The following CIT variants were observed in gnomAD, a reference collection of about 807,000 sequenced individuals.
CIT encodes the protein citron rho-interacting serine/threonine kinase.
Under a neutral mutation model 272.7 loss-of-function variants are expected in CIT, and 79 were observed. The observed-to-expected ratio is 0.29, with a 90% CI of 0.24 to 0.35. CIT has a LOEUF of 0.35. Among genes scored for constraint, CIT ranks in the 10% least tolerant of loss-of-function variants. The pLI, the probability that CIT is intolerant of heterozygous loss-of-function variation, is 1.00. For synonymous variants in CIT, 948 were observed against 995.6 expected (o/e 0.95, Z 0.90); for missense variants, 1,909 against 2,618.3 (o/e 0.73, Z 5.91).
chr12:119,845,862 A>ACCCGGGAG (rs1301278179), intron 5 of CIT, among the ~76,000 whole-genome samples: 1 of 149,930 alleles, frequency 6.7e-6, no homozygotes, highest in Non-Finnish European at 1.5e-5. Flanking sequence ...AGGCAGGAGA[A>ACCCGGGAG]CCCGGGAGGC....
At chr12:119,844,684 GA>G (rs1330519632) in intron 5 of CIT, among the ~76,000 whole-genome samples, 1 of 152,166 alleles carries the variant, frequency 6.6e-6, no homozygotes, top group Admixed American at 6.6e-5. Flanking sequence ...TACTTGAGAA[GA>G]AAATGGAGAC....
At position 119,686,673 on chromosome 12, in the gene CIT, G is replaced by A. The variant is rs1955594973; in HGVS notation, c.*1559C>T. 1 of 152,364 alleles carries A rather than the reference G, an allele frequency of 6.6e-6. No homozygotes were observed. The allele number at this position is 152,364 out of a possible 1,614,324, so 9.4% of individuals were successfully genotyped here. ...CTGGGTTGTTGAGGCGGGCCTAAGA[G>A]TCGTGGAGGACCCAAAGCAACAGAT... On this transcript the variant is annotated 3_prime_UTR_variant, in exon 48 of 48. Coordinates refer to ENST00000392521, the MANE Select transcript of CIT (RefSeq NM_001206999.2).
intron 30 of CIT, 145 bp from the exon 31 acceptor site, chr12:119,719,006 G>A (rs73215362): frequency 2.2e-5 from 17 of 789,064 alleles, no homozygotes; most frequent in East Asian, 1.6e-4. Context: ...GCATGTGAAG[G>A]GGGGGAAGGG....
chr12:119,866,639 CA>C (rs1265657296), intron 3 of CIT, among the ~76,000 whole-genome samples: 1 of 152,010 alleles, frequency 6.6e-6, no homozygotes, highest in Non-Finnish European at 1.5e-5. Flanking sequence ...GGCAATCTCA[CA>C]AGGTCCCATC....
intron 28 of CIT, among the ~76,000 whole-genome samples, chr12:119,725,607 C>T (rs1274638819): frequency 2.6e-5 from 4 of 152,154 alleles, no homozygotes; most frequent in South Asian, 4.1e-4. Context: ...AATCTGCCTC[C>T]GGCTCAATGT....
At chr12:119,871,908 C>T (rs531280464) in intron 2 of CIT, among the ~76,000 whole-genome samples, 2 of 152,280 alleles carry the variant, frequency 1.3e-5, no homozygotes, top group East Asian at 1.9e-4. Context: ...TTCAAGGCCA[C>T]CATATCTGTC....
intron 3 of CIT, among the ~76,000 whole-genome samples, chr12:119,865,484 T>C (rs1950488217): frequency 6.6e-6 from 1 of 152,256 alleles, no homozygotes; most frequent in African/African-American, 2.4e-5. Flanking sequence ...TTATTAATAC[T>C]GGGTACCATT....
chr12:119,727,321 G>C (rs1304359420), intron 28 of CIT, among the ~76,000 whole-genome samples: 1 of 152,148 alleles, frequency 6.6e-6, no homozygotes, highest in African/African-American at 2.4e-5. Flanking sequence ...ATTTGGATCT[G>C]ACAAATTGTC....
At chr12:119,863,201 C>CCA (rs1301019400) in intron 3 of CIT, among the ~76,000 whole-genome samples, 1 of 40,518 alleles carries the variant, frequency 2.5e-5, no homozygotes, top group African/African-American at 8.7e-5. Context: ...GACTCTGTAT[C>CCA]AAAAAAAAAA....
intron 7 of CIT, among the ~76,000 whole-genome samples, chr12:119,828,674 TGCC>T (rs1381062135): frequency 1.3e-5 from 2 of 152,092 alleles, no homozygotes; most frequent in Non-Finnish European, 2.9e-5. Flanking sequence ...GCAATTCTCC[TGCC>T]TCAGCCTCCC....
chr12:119,737,758 A>G (rs1958855690), intron 24 of CIT, among the ~76,000 whole-genome samples: 1 of 152,182 alleles, frequency 6.6e-6, no homozygotes, highest in Non-Finnish European at 1.5e-5. Flanking sequence ...GAAGTGTTAC[A>G]TGTTTTTGTA....
intron 3 of CIT, among the ~76,000 whole-genome samples, chr12:119,868,106 C>A (rs911439986): frequency 7.2e-5 from 11 of 152,108 alleles, no homozygotes; most frequent in African/African-American, 2.7e-4. Flanking sequence ...GTAGTGTGAG[C>A]CTGTAGTCCC....
At chr12:119,853,752 A>G (rs1446157956) in intron 4 of CIT, among the ~76,000 whole-genome samples, 3 of 152,188 alleles carry the variant, frequency 2.0e-5, no homozygotes, top group African/African-American at 7.2e-5. Flanking sequence ...TGTCTGGCAC[A>G]TAAAAGGTGT....
intron 2 of CIT, among the ~76,000 whole-genome samples, chr12:119,873,458 A>C (rs1950745777): frequency 1.3e-5 from 2 of 151,472 alleles, no homozygotes; most frequent in African/African-American, 2.4e-5. Flanking sequence ...TTGTGTTTTT[A>C]GTAGAAACGG....
At chr12:119,700,906 A>C in intron 43 of CIT, 81 bp from the exon 44 acceptor site, 1 of 1,173,224 alleles carries the variant, frequency 8.5e-7, no homozygotes, top group Non-Finnish European at 1.3e-6. Flanking sequence ...TGGAAGAATG[A>C]GGAGCAGAGC....
rs1957125625 is a variant in CIT, at chr12:119,710,837, C to T, written c.4855-217G>A. On this transcript the variant is annotated intron_variant, in intron 37 of 47. Transcript: ENST00000392521. This position sits in a 1 kb window ranked among gnomAD's most constrained non-coding sequence, Gnocchi z 5.6. ...TATCTCTGGGGCAGCTGTTAATTAGCATCTGAGTTATAATTTGGCTGGGAT... is the reference window on the plus strand; with the variant it reads ...TATCTCTGGGGCAGCTGTTAATTAGTATCTGAGTTATAATTTGGCTGGGAT... 3.1e-6 allele frequency: 2 copies of T among 637,114 alleles called. No individual in the cohort carries two copies. The highest frequency in any genetic ancestry group is 3.7e-5 in the African/African-American group (2 of 54,748). The allele number at this position is 637,114 out of a possible 1,614,324, so 39.5% of individuals were successfully genotyped here. A position where few individuals can be genotyped will look rare whatever the true frequency, so the allele number is the denominator to read the frequency against.
chr12:119,710,518 GC>G lies in CIT; in HGVS notation c.4935+21del. 1.2e-6 allele frequency: 2 copies of G among 1,613,768 alleles called. No individual in the cohort carries two copies. The highest frequency in any genetic ancestry group is 8.5e-7 in the Non-Finnish European group (1 of 1,179,644). On this transcript the variant is annotated intron_variant, in intron 38 of 47. Transcript: ENST00000392521. The surrounding 1 kb of genome is among the most constrained non-coding windows in gnomAD (Gnocchi z 5.6). Reference sequence around the variant, plus strand: ...TGTGGCTGTAACCAGACACCAGCTGGCCGTGCCCATGCAAGCATTACCTGGT... The same window carrying G: ...TGTGGCTGTAACCAGACACCAGCTGGCGTGCCCATGCAAGCATTACCTGGT...
At chr12:119,732,858 T>C (rs1416265112) in intron 26 of CIT, among the ~76,000 whole-genome samples, 1 of 152,060 alleles carries the variant, frequency 6.6e-6, no homozygotes, top group Non-Finnish European at 1.5e-5. Flanking sequence ...TGATGAAAAA[T>C]GGATCCGATT....
chr12:119,809,484 A>G (rs528631410), intron 9 of CIT, among the ~76,000 whole-genome samples: 5 of 152,332 alleles, frequency 3.3e-5, no homozygotes, highest in African/African-American at 1.2e-4. Context: ...TTCCTGGCTT[A>G]TGACTCCCAT....
Sources: allele counts gnomAD v4.1 joint callset (sites outside exome capture counted in the v4.1 genomes callset), GRCh38; gene constraint gnomAD v4.1.1; non-coding constraint Gnocchi (gnomAD v3.1); transcripts MANE v1.5; gene names NCBI Gene and HGNC (gene_info 2026-07-23, HGNC 2026-07-21).